Variants in SPON1 observed in about 807,000 individuals in gnomAD.
The protein encoded by SPON1 is spondin-1.
Under a neutral mutation model 111.7 loss-of-function variants are expected in SPON1, and 52 were observed. The observed-to-expected ratio is 0.47, with a 90% CI of 0.37 to 0.59. SPON1 has a LOEUF of 0.59. Among genes scored for constraint, SPON1 ranks in the 20% least tolerant of loss-of-function variants. The probability of loss-of-function intolerance (pLI) is 0.00; values close to 1 mark genes in which losing one functional copy is unlikely to be tolerated. For synonymous variants in SPON1, 410 were observed against 395.8 expected, an observed-to-expected ratio of 1.04 and a Z score of -0.43; for missense variants, 957 against 1,068.5, an observed-to-expected ratio of 0.90 and a Z score of 1.46.
intron 6 of SPON1, among the ~76,000 whole-genome samples, chr11:14,159,819 G>A (rs527537743): frequency 1.5e-3 from 214 of 141,408 alleles, no homozygotes; most frequent in South Asian, 6.6e-3. Flanking sequence ...ACTTATTTAT[G>A]AGATCTAAAA....
At chr11:13,975,873 A>C (rs1848099461) in intron 1 of SPON1, among the ~76,000 whole-genome samples, 1 of 152,068 alleles carries the variant, frequency 6.6e-6, no homozygotes, top group Admixed American at 6.6e-5. Context: ...GAGCATTATG[A>C]TCTTTTATCA....
At chr11:14,072,322 A>C (rs1848883325) in intron 3 of SPON1, among the ~76,000 whole-genome samples, 1 of 152,152 alleles carries the variant, frequency 6.6e-6, no homozygotes, top group South Asian at 2.1e-4. Context: ...TATAGGAAAT[A>C]CATGTTTTTC....
In SPON1 at chr11:14,259,284, C is replaced by A. The variant is rs543112008; in HGVS notation, c.1497C>A (p.Gly499=). The A allele has an allele frequency of 1.2e-5, 19 of 1,610,892 alleles. No homozygotes were observed. In the South Asian group the frequency reaches 1.9e-4, roughly 16 times the overall value. The change falls in exon 12 of 16, where the codon GGC becomes GGA. Residue 499 remains glycine, a synonymous_variant. Transcript: ENST00000576479. This position sits in a 1 kb window ranked among gnomAD's most constrained non-coding sequence, Gnocchi z 5.0. The stretch of plus-strand genomic sequence containing the variant: ...CGTTCACTCGGTGTGTTGCAGACGG[C>A]TCCACCTGCACCATGTCCGAGTGGA... The part of the protein sequence containing the change: ...CMGPGCSDED[G]STCTMSEWIT...
At position 14,131,495 on chromosome 11, in the gene SPON1, A is replaced by G. The variant is rs1847529691; in HGVS notation, c.677-3925A>G. Among the ~76,000 whole-genome samples, 6 of 152,104 alleles carry G rather than the reference A, an allele frequency of 3.9e-5. No individual in the cohort carries two copies. In the South Asian group the frequency reaches 1.0e-3, roughly 26 times the overall value. On this transcript the variant is annotated intron_variant, in intron 5 of 15. Transcript: ENST00000576479. ...TCCCCTTTTCTATCTATTTCTTTAC[A>G]TCTCTAGGCACCCTCCTTCCAACTG...
At chr11:14,111,134 G>A (rs1316964559) in intron 5 of SPON1, among the ~76,000 whole-genome samples, 1 of 152,182 alleles carries the variant, frequency 6.6e-6, no homozygotes, top group Non-Finnish European at 1.5e-5. Context: ...AATGCATTAT[G>A]CTTCCTTTAA....
intron 7 of SPON1, among the ~76,000 whole-genome samples, chr11:14,247,018 G>T (rs903670809): frequency 2.0e-5 from 3 of 152,174 alleles, no homozygotes; most frequent in African/African-American, 7.2e-5. Context: ...GCACTAAAAG[G>T]CTTTGGTCTA....
intron 6 of SPON1, among the ~76,000 whole-genome samples, chr11:14,190,428 C>T (rs1848332337): frequency 6.6e-6 from 1 of 152,212 alleles, no homozygotes. Flanking sequence ...GAGACAGCTC[C>T]TGCTAATCCA....
chr11:14,012,199 G>A (rs1848410717), intron 2 of SPON1, among the ~76,000 whole-genome samples: 1 of 152,148 alleles, frequency 6.6e-6, no homozygotes, highest in Admixed American at 6.5e-5. Flanking sequence ...AACACTGAAT[G>A]CTGCCAGCCT....
rs1396097622 is a variant in SPON1, at chr11:13,962,764, G to C, written c.-141G>C. 9.5e-6 allele frequency: 7 copies of C among 739,416 alleles called. No homozygotes were observed. The highest frequency in any genetic ancestry group is 1.4e-5 in the Non-Finnish European group (7 of 492,616). 45.8% of individuals were successfully genotyped at this position (739,416 alleles called of 1,614,324 possible). A position where few individuals can be genotyped will look rare whatever the true frequency, so the allele number is the denominator to read the frequency against. ...GCGGCCGCCAAGCCGAGGCGGGCACGGTCTCCGAGTCGCGGACGCCAGCTC... is the reference window on the plus strand; with the variant it reads ...GCGGCCGCCAAGCCGAGGCGGGCACCGTCTCCGAGTCGCGGACGCCAGCTC... On this transcript the variant is annotated 5_prime_UTR_variant, in exon 1 of 16. Transcript: ENST00000576479.
At chr11:13,984,234 G>A (rs1169492383) in intron 2 of SPON1, among the ~76,000 whole-genome samples, 1 of 152,064 alleles carries the variant, frequency 6.6e-6, no homozygotes, top group African/African-American at 2.4e-5. Context: ...CTAGTATGTA[G>A]GAACTATTAT....
intron 5 of SPON1, among the ~76,000 whole-genome samples, chr11:14,111,998 C>G (rs1337790769): frequency 1.3e-5 from 2 of 151,452 alleles, no homozygotes; most frequent in African/African-American, 2.4e-5. Context: ...CTCATACCAC[C>G]TTTTGTGCCA....
chr11:14,224,963 A>C (rs1554937989), intron 6 of SPON1, among the ~76,000 whole-genome samples: 1 of 152,182 alleles, frequency 6.6e-6, no homozygotes, highest in African/African-American at 2.4e-5. Context: ...CTCTTGCACT[A>C]ATGTAAAGAC....
chr11:14,009,195 A>C (rs1848386504), intron 2 of SPON1, among the ~76,000 whole-genome samples: 1 of 152,204 alleles, frequency 6.6e-6, no homozygotes, highest in African/African-American at 2.4e-5. Context: ...TGTTTGTTGA[A>C]GGTATTCACA....
intron 6 of SPON1, among the ~76,000 whole-genome samples, chr11:14,138,305 C>T (rs1319928369): frequency 6.6e-6 from 1 of 151,932 alleles, no homozygotes; most frequent in Non-Finnish European, 1.5e-5. Flanking sequence ...TAATGGCTTT[C>T]AAGCACAAAT....
At chr11:13,991,604 AG>A (rs1554911227) in intron 2 of SPON1, among the ~76,000 whole-genome samples, 1 of 152,114 alleles carries the variant, frequency 6.6e-6, no homozygotes, top group Non-Finnish European at 1.5e-5. Context: ...TTCTCTGTCC[AG>A]TTTTGTTCCC....
rs1847616344 is a variant in SPON1, at chr11:14,138,325, T to A, written c.825+2757T>A. On this transcript the variant is annotated intron_variant, in intron 6 of 15. Transcript: ENST00000576479. The stretch of plus-strand genomic sequence containing the variant: ...GCTTTCAAGCACAAATGAACAAAAA[T>A]ACTAATCCTATTAATAGTGGAAGTA... Among the ~76,000 whole-genome samples, 3 of 150,602 alleles carry A rather than the reference T, an allele frequency of 2.0e-5. No homozygotes were observed. In the Admixed American group the frequency reaches 2.0e-4, roughly 10 times the overall value.
intron 3 of SPON1, among the ~76,000 whole-genome samples, chr11:14,055,270 TGCTA>T (rs1490061088): frequency 6.6e-6 from 1 of 152,182 alleles, no homozygotes; most frequent in Non-Finnish European, 1.5e-5. Flanking sequence ...TCTCGATATG[TGCTA>T]TGCTAAAAAA....
intron 5 of SPON1, among the ~76,000 whole-genome samples, chr11:14,118,234 C>T (rs1444044692): frequency 6.6e-6 from 1 of 152,190 alleles, no homozygotes; most frequent in Non-Finnish European, 1.5e-5. Flanking sequence ...ATCTGTAGTG[C>T]TACAGTTCCT....
At chr11:14,199,284 A>T (rs1191633889) in intron 6 of SPON1, among the ~76,000 whole-genome samples, 1 of 152,054 alleles carries the variant, frequency 6.6e-6, no homozygotes, top group Non-Finnish European at 1.5e-5. Flanking sequence ...CAATGTCTTC[A>T]TAGTTACATT....
Sources: allele counts gnomAD v4.1 joint callset (sites outside exome capture counted in the v4.1 genomes callset), GRCh38; gene constraint gnomAD v4.1.1; non-coding constraint Gnocchi (gnomAD v3.1); transcripts MANE v1.5; gene names NCBI Gene and HGNC (gene_info 2026-07-23, HGNC 2026-07-21).